Variants in NCOR2 observed in about 807,000 individuals in gnomAD.
NCOR2 encodes CTG repeat protein 26.
Under a neutral mutation model 262.9 loss-of-function variants are expected in NCOR2, and 81 were observed. The observed-to-expected ratio is 0.31, with a 90% CI of 0.26 to 0.37. The LOEUF (loss-of-function observed/expected upper bound fraction) is 0.37, where lower values mean the gene tolerates loss of function less well. Among genes scored for constraint, NCOR2 ranks in the 10% least tolerant of loss-of-function variants. The pLI, the probability that NCOR2 is intolerant of heterozygous loss-of-function variation, is 1.00. For synonymous variants in NCOR2, 1,659 were observed against 1,559.3 expected, an observed-to-expected ratio of 1.06 and a Z score of -1.51; for missense variants, 3,385 against 3,621.4, an observed-to-expected ratio of 0.93 and a Z score of 1.68.
At chr12:124,361,291 G>A (rs1368690269) in intron 22 of NCOR2, among the ~76,000 whole-genome samples, 4 of 152,162 alleles carry the variant, frequency 2.6e-5, no homozygotes, top group East Asian at 1.9e-4. Flanking sequence ...GCCAGCAAGC[G>A]CCGGGGCTAG....
intron 1 of NCOR2, among the ~76,000 whole-genome samples, chr12:124,557,665 G>A (rs566086933): frequency 6.6e-6 from 1 of 152,332 alleles, no homozygotes; most frequent in African/African-American, 2.4e-5. Flanking sequence ...CCTAGGCCAG[G>A]GGATGATAGT....
At chr12:124,438,650 G>A (rs147834583) in intron 7 of NCOR2, among the ~76,000 whole-genome samples, 3,557 of 150,644 alleles carry the variant, frequency 0.024, 67 homozygotes, top group Middle Eastern at 0.051. Context: ...AAGGAGGCAC[G>A]TCCTGGGAGA....
In NCOR2 at chr12:124,482,574, C is replaced by T. The variant is rs2047554357; in HGVS notation, c.411+1022G>A. On this transcript the variant is annotated intron_variant, in intron 3 of 46. Transcript: ENST00000405201. The surrounding 1 kb of genome is among the most constrained non-coding windows in gnomAD (Gnocchi z 6.3). ...ACATGACCAGGTGACACCCTGCCCA[C>T]AAGGTCCCAGATCAGTGAGGAAGAA... 6.6e-6 allele frequency among the ~76,000 whole-genome samples: 1 copy of T among 152,206 alleles called. No homozygotes were observed. The highest frequency in any genetic ancestry group is 2.4e-5 in the African/African-American group (1 of 41,454).
At chr12:124,334,747 C>T (rs1305241965) in intron 40 of NCOR2, 130 bp from the exon 43 acceptor site, 11 of 583,668 alleles carry the variant, frequency 1.9e-5, no homozygotes, top group Non-Finnish European at 2.9e-5. Flanking sequence ...GACTGTGGAC[C>T]TGCCCGCCAC....
chr12:124,510,434 T>A (rs942364630), intron 1 of NCOR2, among the ~76,000 whole-genome samples: 1 of 152,164 alleles, frequency 6.6e-6, no homozygotes, highest in Non-Finnish European at 1.5e-5. Flanking sequence ...AACACAACAC[T>A]TGGTGGCACC....
In NCOR2 at chr12:124,549,184, T is replaced by C. The variant is rs1359917621; in HGVS notation, c.-164-13573A>G. ...GCTGCTTGCCTGGCAATGATGATGGTTGCTGGGTCACGAGATCACCGAGAG... is the reference window on the plus strand; with the variant it reads ...GCTGCTTGCCTGGCAATGATGATGGCTGCTGGGTCACGAGATCACCGAGAG... On this transcript the variant is annotated intron_variant, in intron 1 of 32. Transcript: ENST00000458234. The surrounding 1 kb of genome is among the most constrained non-coding windows in gnomAD (Gnocchi z 4.4). Among the ~76,000 whole-genome samples the C allele has an allele frequency of 6.6e-6, 1 of 151,808 alleles. No homozygotes were observed. The highest frequency in any genetic ancestry group is 6.6e-5 in the Admixed American group (1 of 15,250).
At chr12:124,425,528 A>C (rs1439103275) in intron 11 of NCOR2, among the ~76,000 whole-genome samples, 2 of 152,034 alleles carry the variant, frequency 1.3e-5, no homozygotes, top group East Asian at 3.9e-4. Flanking sequence ...AAAAGATTAG[A>C]TTCCCCGGAA....
At position 124,511,694 on chromosome 12, in the gene NCOR2, A is replaced by G. The variant is rs369676786; in HGVS notation, c.-117-16326T>C. Among the ~76,000 whole-genome samples the G allele has an allele frequency of 1.2e-4, 19 of 152,250 alleles. No homozygotes were observed. In the East Asian group the frequency reaches 2.9e-3, roughly 23 times the overall value. The stretch of plus-strand genomic sequence containing the variant: ...GGTTCAAGCAAGGCGTCCTTCCTGG[A>G]AAGTCCAGACTCCCCGAATGGGGCT... On this transcript the variant is annotated intron_variant, in intron 1 of 46. Coordinates refer to the NCOR2 transcript ENST00000404621.
At chr12:124,466,180 T>C in exon 5 of NCOR2, 1 of 1,607,396 alleles carries the variant, frequency 6.2e-7, no homozygotes, top group Non-Finnish European at 8.5e-7. Flanking sequence ...TACCCGGTTC[T>C]CGTCGTAGAT....
upstream of NCOR2, among the ~76,000 whole-genome samples, chr12:124,496,793 T>G (rs374264668): frequency 2.7e-5 from 4 of 146,976 alleles, no homozygotes; most frequent in African/African-American, 9.8e-5. The surrounding 1 kb of genome is among the most constrained non-coding windows in gnomAD (Gnocchi z 4.4). Context: ...GAGTCCTGCA[T>G]GCTTCTGGGC....
rs368282213 is a variant in NCOR2, at chr12:124,371,330, T to C, written c.2807+692A>G. On this transcript the variant is annotated intron_variant, in intron 20 of 46. Transcript: ENST00000405201. Reference sequence around the variant, plus strand: ...GTTCCCACCACGCTGAGGGTAGAACTGTGTCCCCCCAGAGAAGGTACATTC... The same window carrying C: ...GTTCCCACCACGCTGAGGGTAGAACCGTGTCCCCCCAGAGAAGGTACATTC... 2.3e-4 allele frequency among the ~76,000 whole-genome samples: 35 copies of C among 152,178 alleles called. No homozygotes were observed. In the East Asian group the frequency reaches 5.2e-3, roughly 23 times the overall value.
chr12:124,422,358 G>A (rs1256605850), intron 12 of NCOR2, 143 bp downstream of exon 14: 5 of 901,732 alleles, frequency 5.5e-6, no homozygotes, highest in Non-Finnish European at 1.7e-6. Context: ...AAGGGAGGGA[G>A]GGAGGAGGGG....
chr12:124,497,626 G>A (rs899977646), upstream of NCOR2, among the ~76,000 whole-genome samples: 5 of 152,182 alleles, frequency 3.3e-5, no homozygotes, highest in African/African-American at 1.2e-4. The surrounding 1 kb of genome is among the most constrained non-coding windows in gnomAD (Gnocchi z 4.2). Flanking sequence ...AATCACAAAC[G>A]CACTCCCACA....
chr12:124,507,473 G>A lies in NCOR2; in HGVS notation c.-117-12105C>T, dbSNP rs534876439. Among the ~76,000 whole-genome samples, 330 of 152,022 alleles carry A rather than the reference G, an allele frequency of 2.2e-3. 1 individual carries two copies. The highest frequency in any genetic ancestry group is 7.6e-3 in the African/African-American group (314 of 41,270). ...TCAGGCTGCCCCCATAAAAGGCAAA[G>A]TGTTGCCAGTGGCCCCGGCACTCAG... On this transcript the variant is annotated intron_variant, in intron 1 of 46. Coordinates refer to the NCOR2 transcript ENST00000404621.
At chr12:124,512,000 C>T (rs1410751472) in intron 1 of NCOR2, among the ~76,000 whole-genome samples, 1 of 152,186 alleles carries the variant, frequency 6.6e-6, no homozygotes, top group Non-Finnish European at 1.5e-5. Context: ...TGGCTTACTG[C>T]AGCCTTGACC....
chr12:124,552,690 AGGTTTTTT>A (rs1313861065), intron 1 of NCOR2, among the ~76,000 whole-genome samples: 1 of 151,812 alleles, frequency 6.6e-6, no homozygotes, highest in South Asian at 2.1e-4. Context: ...GGGGGTTAGG[AGGTTTTTT>A]GGTTTTTTGA....
chr12:124,402,489 C>T lies in NCOR2; in HGVS notation c.1555G>A (p.Glu519Lys). Reference sequence around the variant, plus strand: ...TTTTCCTTCTCCTTCTCATCTTTCTCCTCCTGGCTGCTGCGGGGCATGGGC... The same window carrying T: ...TTTTCCTTCTCCTTCTCATCTTTCTTCTCCTGGCTGCTGCGGGGCATGGGC... The change falls in exon 14 of 47, where the codon GAG becomes AAG. Residue 519 changes from glutamate to lysine, a missense_variant. Transcript: ENST00000405201. 2.5e-6 allele frequency: 4 copies of T among 1,610,016 alleles called. No homozygotes were observed. The East Asian group carries it at 6.7e-5, about 27-fold the overall frequency.
exon 9 of NCOR2, chr12:124,430,705 C>G (rs1439094688): frequency 6.2e-7 from 1 of 1,614,202 alleles, no homozygotes; most frequent in Non-Finnish European, 8.5e-7. Context: ...CTTGGCCCGC[C>G]GCCGGGGGTT....
At chr12:124,476,180 A>G (rs2047091222) in intron 3 of NCOR2, among the ~76,000 whole-genome samples, 1 of 152,216 alleles carries the variant, frequency 6.6e-6, no homozygotes. Context: ...GGGCCTTTGC[A>G]CAGGCTGGCT....
Sources: gnomAD v4.1 joint callset for allele counts (sites outside exome capture counted in the v4.1 genomes callset) on GRCh38, gnomAD v4.1.1 for gene constraint, Gnocchi (gnomAD v3.1) non-coding constraint, MANE v1.5 for transcripts, NCBI Gene and HGNC (gene_info 2026-07-23, HGNC 2026-07-21) for gene names.